The following ZNF385B variants were observed in gnomAD, a reference collection of about 807,000 sequenced individuals.
ZNF385B encodes the protein zinc finger protein 385B, also known as zinc finger protein 533.
ZNF385B carries 23 observed loss-of-function variants against 39.2 expected under a neutral mutation model. The observed-to-expected ratio is 0.59, with a 90% CI of 0.42 to 0.83. ZNF385B has a LOEUF of 0.83. Ranked by LOEUF, ZNF385B falls within the 40% of genes least tolerant of loss-of-function variation. The probability of loss-of-function intolerance (pLI) is 0.00; values close to 1 mark genes in which losing one functional copy is unlikely to be tolerated. For missense variants in ZNF385B, 552 were observed against 598.9 expected, an observed-to-expected ratio of 0.92 and a Z score of 0.82; for synonymous variants, 205 against 222.6, an observed-to-expected ratio of 0.92 and a Z score of 0.70.
intron 3 of ZNF385B, among the ~76,000 whole-genome samples, chr2:179,674,479 C>T (rs907363572): frequency 2.6e-5 from 4 of 152,068 alleles, no homozygotes; most frequent in Non-Finnish European, 5.9e-5. Flanking sequence ...CATGGGAAAC[C>T]TTCACCTGAT....
At chr2:179,530,722 T>C (rs1055019821) in intron 4 of ZNF385B, among the ~76,000 whole-genome samples, 5 of 152,230 alleles carry the variant, frequency 3.3e-5, no homozygotes, top group African/African-American at 1.2e-4. Context: ...TTCTTCATTT[T>C]GCAAAGCTAA....
At chr2:179,521,176 GTTTTTGTTTTT>G (rs2058466158) in intron 4 of ZNF385B, among the ~76,000 whole-genome samples, 1 of 10,222 alleles carries the variant, frequency 9.8e-5, no homozygotes, top group East Asian at 0.013. Flanking sequence ...AGTTTTTTTT[GTTTTTGTTTTT>G]GTTTTTGTTT....
At chr2:179,620,215 AG>A (rs1319660719) in intron 3 of ZNF385B, among the ~76,000 whole-genome samples, 2 of 152,166 alleles carry the variant, frequency 1.3e-5, no homozygotes, top group Non-Finnish European at 2.9e-5. Context: ...CTGTTCATCT[AG>A]CTGATTGAGG....
chr2:179,717,746 A>T (rs992483348), intron 3 of ZNF385B, among the ~76,000 whole-genome samples: 9 of 152,074 alleles, frequency 5.9e-5, no homozygotes, highest in Non-Finnish European at 1.2e-4. Flanking sequence ...AAACAAACAA[A>T]AACCTTCTCA....
chr2:179,777,842 G>A (rs1005711968), intron 1 of ZNF385B, among the ~76,000 whole-genome samples: 2 of 149,592 alleles, frequency 1.3e-5, no homozygotes, highest in African/African-American at 4.9e-5. Flanking sequence ...GCACGATCTC[G>A]GCACACTGCA....
chr2:179,740,388 C>G (rs1374610346), intron 3 of ZNF385B, among the ~76,000 whole-genome samples: 1 of 152,180 alleles, frequency 6.6e-6, no homozygotes, highest in African/African-American at 2.4e-5. Context: ...CTCCTCATCT[C>G]TGACAGTCTA....
At chr2:179,789,727 C>T (rs1423951969) in intron 1 of ZNF385B, among the ~76,000 whole-genome samples, 2 of 152,120 alleles carry the variant, frequency 1.3e-5, no homozygotes, top group Non-Finnish European at 2.9e-5. Context: ...ACCTCAATGA[C>T]GCAGATGAGG....
chr2:179,813,911 C>T (rs1706892468), intron 1 of ZNF385B, among the ~76,000 whole-genome samples: 1 of 152,152 alleles, frequency 6.6e-6, no homozygotes. Context: ...AAGATTTATA[C>T]ACAAAGACAT....
At chr2:179,559,316 C>T (rs1008924608) in intron 3 of ZNF385B, among the ~76,000 whole-genome samples, 1 of 151,586 alleles carries the variant, frequency 6.6e-6, no homozygotes, top group Non-Finnish European at 1.5e-5. Context: ...AATGCTGGTA[C>T]TCTAAAAGGT....
intron 1 of ZNF385B, among the ~76,000 whole-genome samples, chr2:179,773,734 C>T (rs1017006574): frequency 2.0e-5 from 3 of 152,066 alleles, no homozygotes; most frequent in African/African-American, 4.8e-5. Flanking sequence ...TCTCAGGGGA[C>T]CAAACAATCC....
chr2:179,645,194 C>T (rs914658499), intron 3 of ZNF385B, among the ~76,000 whole-genome samples: 1 of 152,296 alleles, frequency 6.6e-6, no homozygotes, highest in Admixed American at 6.5e-5. Flanking sequence ...TGTGGCTCAG[C>T]ACGGCAGCTG....
intron 3 of ZNF385B, among the ~76,000 whole-genome samples, chr2:179,620,112 A>C (rs1558990437): frequency 2.0e-5 from 3 of 152,286 alleles, no homozygotes; most frequent in South Asian, 4.1e-4. Context: ...TTTTGCCCCT[A>C]GTCAACTTCC....
intron 3 of ZNF385B, among the ~76,000 whole-genome samples, chr2:179,631,018 T>G (rs978383345): frequency 6.6e-6 from 1 of 152,248 alleles, no homozygotes. Flanking sequence ...CAGGGGGCTA[T>G]GTGAAAAGAC....
chr2:179,508,178 A>G (rs982489235), intron 5 of ZNF385B, among the ~76,000 whole-genome samples: 1 of 152,204 alleles, frequency 6.6e-6, no homozygotes, highest in Non-Finnish European at 1.5e-5. Context: ...TGAATAAAAG[A>G]CAAGCTACAG....
intron 4 of ZNF385B, among the ~76,000 whole-genome samples, chr2:179,525,085 C>G (rs371367777): frequency 7.2e-5 from 11 of 152,036 alleles, no homozygotes; most frequent in African/African-American, 2.7e-4. Flanking sequence ...ATGAATCACC[C>G]TCAAGTTCAT....
intron 6 of ZNF385B, among the ~76,000 whole-genome samples, chr2:179,470,110 C>G (rs1379293509): frequency 6.6e-6 from 1 of 152,162 alleles, no homozygotes; most frequent in Non-Finnish European, 1.5e-5. Flanking sequence ...GCAGGCCATG[C>G]TTTTCTCTCA....
chr2:179,619,939 G>A (rs1357093687), intron 3 of ZNF385B, among the ~76,000 whole-genome samples: 1 of 152,184 alleles, frequency 6.6e-6, no homozygotes, highest in African/African-American at 2.4e-5. Context: ...TCATTTACTA[G>A]CTATGTGACC....
rs549859256 is a variant in ZNF385B, at chr2:179,529,500, A to C, written c.442-10862T>G. ...TTTAAAGATCTGTAACATCTTTCAA[A>C]GATCATGCATAACAAAAAGTTCATA... On this transcript the variant is annotated intron_variant, in intron 4 of 9. Coordinates refer to ENST00000410066, the MANE Select transcript of ZNF385B (RefSeq NM_152520.6). 1.3e-3 allele frequency among the ~76,000 whole-genome samples: 204 copies of C among 152,298 alleles called. 1 individual carries two copies. The highest frequency in any genetic ancestry group is 2.7e-3 in the Non-Finnish European group (185 of 68,016).
At chr2:179,743,646 T>G (rs1307928163) in intron 3 of ZNF385B, among the ~76,000 whole-genome samples, 1 of 152,108 alleles carries the variant, frequency 6.6e-6, no homozygotes, top group Non-Finnish European at 1.5e-5. Context: ...CCTGGTAATT[T>G]TGATCACCTC....
Sources: allele counts gnomAD v4.1 joint callset (sites outside exome capture counted in the v4.1 genomes callset), GRCh38; gene constraint gnomAD v4.1.1; transcripts MANE v1.5; gene names NCBI Gene and HGNC (gene_info 2026-07-23, HGNC 2026-07-21).